Variants in MAST4 observed in about 807,000 individuals in gnomAD.
MAST4 encodes microtubule associated serine/threonine kinase family member 4, also known as microtubule-associated serine/threonine-protein kinase 4.
Under a neutral mutation model 162.7 loss-of-function variants are expected in MAST4, and 89 were observed. The ratio of observed to expected loss-of-function variants is 0.55; its 90% CI spans 0.46 to 0.65. The LOEUF (loss-of-function observed/expected upper bound fraction) is 0.65. Among genes scored for constraint, MAST4 ranks in the 30% least tolerant of loss-of-function variants. The probability of loss-of-function intolerance (pLI) is 0.00; values close to 1 mark genes in which losing one functional copy is unlikely to be tolerated. For synonymous variants in MAST4, 1,479 were observed against 1,361.1 expected, an observed-to-expected ratio of 1.09 and a Z score of -1.91; for missense variants, 3,153 against 3,374.0, an observed-to-expected ratio of 0.93 and a Z score of 1.62.
chr5:66,804,393 A>G (rs1380085886), intron 3 of MAST4, among the ~76,000 whole-genome samples: 1 of 152,188 alleles, frequency 6.6e-6, no homozygotes, highest in Non-Finnish European at 1.5e-5. Flanking sequence ...CGTGGCTTCC[A>G]TCCAGACTGC....
intron 3 of MAST4, among the ~76,000 whole-genome samples, chr5:66,855,487 G>A (rs1225203501): frequency 6.6e-6 from 1 of 152,228 alleles, no homozygotes; most frequent in Admixed American, 6.5e-5. Flanking sequence ...ACTAGGTGGT[G>A]TTTGCTCGCT....
intron 1 of MAST4, among the ~76,000 whole-genome samples, chr5:66,634,173 C>G (rs1744956570): frequency 6.6e-6 from 1 of 152,196 alleles, no homozygotes; most frequent in Non-Finnish European, 1.5e-5. Context: ...GATTCTCCTG[C>G]CCCAGCCTCC....
chr5:66,655,489 G>A lies in MAST4; in HGVS notation c.363+58471G>A, dbSNP rs544635678. Among the ~76,000 whole-genome samples, 5 of 152,324 alleles carry A rather than the reference G, an allele frequency of 3.3e-5. No homozygotes were observed. The East Asian group carries it at 9.6e-4, about 29-fold the overall frequency. Reference sequence around the variant, plus strand: ...GGATGTTGAGATTTCAGTTCTAGGAGTGAATTTGCCAGAGACCAATGATCT... The same window carrying A: ...GGATGTTGAGATTTCAGTTCTAGGAATGAATTTGCCAGAGACCAATGATCT... On this transcript the variant is annotated intron_variant, in intron 1 of 28. Transcript: ENST00000403625.
At position 67,106,465 on chromosome 5, in the gene MAST4, C is replaced by T. The variant is rs140488443; in HGVS notation, c.1356+1890C>T. Among the ~76,000 whole-genome samples the T allele has an allele frequency of 1.1e-3, 161 of 152,162 alleles. 1 individual carries two copies. The highest frequency in any genetic ancestry group is 3.9e-3 in the African/African-American group (160 of 41,514). ...GCTAGAACTCTGAGAATACTAGACT[C>T]CCTCTCTCCCTTCATCAAGCAACCC... On this transcript the variant is annotated intron_variant, in intron 10 of 28. Transcript: ENST00000403625.
intron 3 of MAST4, among the ~76,000 whole-genome samples, chr5:66,796,297 A>G (rs1184598822): frequency 1.3e-5 from 2 of 152,238 alleles, no homozygotes; most frequent in African/African-American, 2.4e-5. Context: ...TCGGTCTAAG[A>G]ACGAGTGAAG....
chr5:67,041,826 G>A (rs764323811), intron 4 of MAST4, among the ~76,000 whole-genome samples: 9 of 152,152 alleles, frequency 5.9e-5, no homozygotes, highest in Admixed American at 6.5e-5. Flanking sequence ...ACAAGGTTTC[G>A]CCATGTTGGC....
chr5:67,155,351 C>T (rs914354732), intron 26 of MAST4, among the ~76,000 whole-genome samples: 28 of 152,290 alleles, frequency 1.8e-4, no homozygotes, highest in African/African-American at 5.5e-4. Context: ...CCTTCAGCTT[C>T]ACCTCAAAGC....
At chr5:67,000,952 C>A (rs1319672832) in intron 4 of MAST4, among the ~76,000 whole-genome samples, 1 of 152,122 alleles carries the variant, frequency 6.6e-6, no homozygotes, top group African/African-American at 2.4e-5. Flanking sequence ...CTTACAAAAC[C>A]AATGGCTAAC....
At chr5:66,638,144 AC>A (rs1431980227) in intron 1 of MAST4, among the ~76,000 whole-genome samples, 6 of 152,310 alleles carry the variant, frequency 3.9e-5, no homozygotes, top group Admixed American at 3.9e-4. Flanking sequence ...CCTTACTCTT[AC>A]ACTTGTGGCA....
At chr5:66,715,362 T>A (rs1478610142) in intron 1 of MAST4, among the ~76,000 whole-genome samples, 1 of 152,170 alleles carries the variant, frequency 6.6e-6, no homozygotes, top group Non-Finnish European at 1.5e-5. Flanking sequence ...ATGATGATTA[T>A]CATGTAATGT....
intron 1 of MAST4, among the ~76,000 whole-genome samples, chr5:66,634,334 C>T (rs144148202): frequency 0.016 from 2,419 of 151,914 alleles, 67 homozygotes; most frequent in African/African-American, 0.054. Flanking sequence ...GCTGGGATTG[C>T]AGGTGTGAGC....
chr5:66,977,731 G>A (rs1748328085), intron 4 of MAST4, among the ~76,000 whole-genome samples: 2 of 152,170 alleles, frequency 1.3e-5, no homozygotes, highest in South Asian at 4.1e-4. Flanking sequence ...TATGACTACA[G>A]TTAGAGAAAT....
intron 3 of MAST4, among the ~76,000 whole-genome samples, chr5:66,820,366 A>G (rs1217204123): frequency 6.6e-6 from 1 of 152,218 alleles, no homozygotes; most frequent in East Asian, 1.9e-4. Context: ...ATGAGTTTCT[A>G]AAGCTTTTCA....
chr5:67,052,039 G>A (rs987154765), intron 4 of MAST4, among the ~76,000 whole-genome samples: 3 of 152,082 alleles, frequency 2.0e-5, no homozygotes, highest in Non-Finnish European at 4.4e-5. Flanking sequence ...GATTATTCAT[G>A]GCATTTGTCA....
intron 9 of MAST4, among the ~76,000 whole-genome samples, chr5:67,103,974 T>C (rs1353218173): frequency 1.3e-5 from 2 of 152,226 alleles, no homozygotes; most frequent in African/African-American, 4.8e-5. Flanking sequence ...AATGTTGATT[T>C]CACTTATGTA....
At chr5:67,018,314 G>C (rs1186866059) in intron 4 of MAST4, among the ~76,000 whole-genome samples, 1 of 152,142 alleles carries the variant, frequency 6.6e-6, no homozygotes, top group Non-Finnish European at 1.5e-5. Flanking sequence ...AGGGTCATTT[G>C]AGCCCTGGAG....
chr5:67,050,359 A>G (rs1758020464), intron 4 of MAST4, among the ~76,000 whole-genome samples: 1 of 152,280 alleles, frequency 6.6e-6, no homozygotes, highest in African/African-American at 2.4e-5. Context: ...TGTCACTCCA[A>G]AGCATCTCCA....
intron 2 of MAST4, among the ~76,000 whole-genome samples, chr5:66,786,163 C>G (rs1302667920): frequency 6.6e-6 from 1 of 152,126 alleles, no homozygotes; most frequent in Non-Finnish European, 1.5e-5. Flanking sequence ...GCCACTGTAC[C>G]CAGCCTAATA....
intron 5 of MAST4, among the ~76,000 whole-genome samples, chr5:67,075,472 G>A (rs1410617274): frequency 4.1e-5 from 1 of 24,194 alleles, no homozygotes; most frequent in African/African-American, 1.8e-4. Flanking sequence ...CACCACACCT[G>A]GCTTTGGAGT....
Sources: gnomAD v4.1 joint callset for allele counts (sites outside exome capture counted in the v4.1 genomes callset) on GRCh38, gnomAD v4.1.1 for gene constraint, MANE v1.5 for transcripts, NCBI Gene and HGNC (gene_info 2026-07-23, HGNC 2026-07-21) for gene names.